Variants in BRCA1 observed in about 807,000 individuals in gnomAD.
The protein encoded by BRCA1 is breast cancer type 1 susceptibility protein.
In BRCA1, 140 loss-of-function variants were observed where a neutral mutation model predicts 173.7. The observed-to-expected ratio is 0.81, with a 90% CI of 0.70 to 0.93. The LOEUF (loss-of-function observed/expected upper bound fraction) is 0.93. Among genes scored for constraint, BRCA1 ranks in the 40% least tolerant of loss-of-function variants. The pLI is 0.00. For synonymous variants in BRCA1, 662 were observed against 756.0 expected (o/e 0.88, Z 2.04); for missense variants, 1,983 against 2,172.5 (o/e 0.91, Z 1.73).
chr17:43,137,315 A>G (rs1331496835), intron 1 of BRCA1, among the ~76,000 whole-genome samples: 1 of 151,232 alleles, frequency 6.6e-6, no homozygotes, highest in East Asian at 1.9e-4. Context: ...ATTAGGAGAT[A>G]TCCTTAATGT....
intron 15 of BRCA1, among the ~76,000 whole-genome samples, chr17:43,068,575 G>GA (rs983382279): frequency 1.3e-5 from 2 of 150,308 alleles, no homozygotes; most frequent in African/African-American, 4.9e-5. Context: ...AAAGTAAAAA[G>GA]AAAAAATATA....
chr17:43,084,941 T>TG (rs2154186989), intron 11 of BRCA1, among the ~76,000 whole-genome samples: 1 of 152,316 alleles, frequency 6.6e-6, no homozygotes, highest in African/African-American at 2.4e-5. Flanking sequence ...GAAAAAGTAG[T>TG]GGGGTAATTA....
chr17:43,058,427 G>A (rs2051608013), intron 18 of BRCA1, among the ~76,000 whole-genome samples: 1 of 151,910 alleles, frequency 6.6e-6, no homozygotes, highest in Non-Finnish European at 1.5e-5. Flanking sequence ...GAAAGAAAAA[G>A]AATTGCTGGG....
At position 43,125,287 on chromosome 17, in the gene BRCA1, G is replaced by A. The variant is rs2055827586; in HGVS notation, c.-36C>T. 1 of 456,298 alleles carries A rather than the reference G, an allele frequency of 2.2e-6. No homozygotes were observed. Among genetic ancestry groups the A allele is most frequent in the South Asian group, 1.5e-5 (1 of 64,570 alleles). 28.3% of individuals were successfully genotyped at this position (456,298 alleles called of 1,614,324 possible). On this transcript the variant is annotated 5_prime_UTR_variant, in exon 1 of 23. Coordinates refer to ENST00000357654, the MANE Select transcript of BRCA1 (RefSeq NM_007294.4). ...CTCTACTACCTTTACCCAGAGCAGA[G>A]GGTGAAGGCCTCCTGAGCGCAGGGG...
intron 21 of BRCA1, among the ~76,000 whole-genome samples, chr17:43,048,522 T>C (rs554050881): frequency 7.4e-4 from 109 of 147,890 alleles, no homozygotes; most frequent in Non-Finnish European, 1.3e-3. Context: ...CTCTCTCTTT[T>C]TTTTTTTTTT....
chr17:43,055,379 G>C (rs965224969), intron 19 of BRCA1, among the ~76,000 whole-genome samples: 1 of 152,234 alleles, frequency 6.6e-6, no homozygotes, highest in Admixed American at 6.5e-5. Flanking sequence ...CGGGTGCAGT[G>C]GCTCATGCTT....
At chr17:43,082,375 G>C (rs2053035731) in intron 12 of BRCA1, 29 bp downstream of exon 12, 1 of 1,609,262 alleles carries the variant, frequency 6.2e-7, no homozygotes, top group African/African-American at 1.3e-5. Context: ...TTTTGCTTAA[G>C]ATATCAGTGT....
At chr17:43,063,456 A>C in intron 17 of BRCA1, 83 bp from the exon 18 acceptor site, 1 of 1,135,504 alleles carries the variant, frequency 8.8e-7, no homozygotes, top group Non-Finnish European at 1.3e-6. Context: ...AGCGATTCAC[A>C]AAAGAGCACA....
In BRCA1 at chr17:43,095,801, C is replaced by T. The variant is rs273902780; in HGVS notation, c.670+45G>A. 6.8e-7 allele frequency: 1 copy of T among 1,463,098 alleles called. No homozygotes were observed. The highest frequency in any genetic ancestry group is 1.4e-5 in the African/African-American group (1 of 71,956). The allele number at this position is 1,463,098 out of a possible 1,614,324, so 90.6% of individuals were successfully genotyped here. A position where few individuals can be genotyped will look rare whatever the true frequency, so the allele number is the denominator to read the frequency against. ...ATCTAATTACAGTACTGTATCTACC[C>T]ACTCTCTTTTCAGTGCCTGTTAAGT... On this transcript the variant is annotated intron_variant, in intron 9 of 22. Coordinates refer to ENST00000357654, the MANE Select transcript of BRCA1 (RefSeq NM_007294.4).
chr17:43,062,422 C>T (rs913113460), intron 18 of BRCA1, among the ~76,000 whole-genome samples: 3 of 152,004 alleles, frequency 2.0e-5, no homozygotes, highest in Non-Finnish European at 2.9e-5. Context: ...AGCTTTTCTT[C>T]AACAACAGTG....
At chr17:43,158,984 C>A (rs987238098) in intron 1 of BRCA1, among the ~76,000 whole-genome samples, 64 of 152,128 alleles carry the variant, frequency 4.2e-4, no homozygotes, top group African/African-American at 1.4e-3. Flanking sequence ...ACCTGTAATC[C>A]CAGCACTTTG....
rs2154373500 is a variant in BRCA1, at chr17:43,093,021, A to T, written c.2510T>A (p.Val837Asp). ...TATGCTTGTTTCCCGACTGTGGTTA[A>T]CTTCATGTCCCAATGGATACTTAAA... ...EGFKYPLGHE[V>D]NHSRETSIEM... The change falls in exon 10 of 23, where the codon GTT (valine) becomes GAT (aspartate). Residue 837 changes from valine (V) to aspartate (D), a missense_variant. Physicochemically the swap from Val to Asp is radical, Grantham distance 152. Transcript: ENST00000357654. The T allele has an allele frequency of 2.5e-6, 4 of 1,613,944 alleles. No homozygotes were observed. Among genetic ancestry groups the T allele is most frequent in the South Asian group, 1.1e-5 (1 of 91,078 alleles).
At chr17:43,132,481 A>G (rs2055975848) in intron 1 of BRCA1, 1 of 152,238 alleles carries the variant, frequency 6.6e-6, no homozygotes, top group South Asian at 2.1e-4. Flanking sequence ...AACTAGCATC[A>G]GAAAGAACTA....
chr17:43,108,036 T>C (rs2054870380), intron 3 of BRCA1, among the ~76,000 whole-genome samples: 1 of 151,712 alleles, frequency 6.6e-6, no homozygotes, highest in Non-Finnish European at 1.5e-5. Context: ...AAAGAAAAGA[T>C]TAAGGGGCTA....
At chr17:43,110,519 AAGGCAAC>A in intron 3 of BRCA1, 1 of 438,866 alleles carries the variant, frequency 2.3e-6, no homozygotes. Flanking sequence ...CTAGGAGGTC[AAGGCAAC>A]AGTAAGCCTC....
At chr17:43,071,483 T>C (rs2052442176) in intron 14 of BRCA1, among the ~76,000 whole-genome samples, 1 of 135,212 alleles carries the variant, frequency 7.4e-6, no homozygotes, top group African/African-American at 2.6e-5. Context: ...AAATATATCC[T>C]AGGGAGATAA....
In BRCA1 at chr17:43,092,225, A is replaced by G. The variant is rs876658664; in HGVS notation, c.3306T>C (p.Asn1102=). The G allele has an allele frequency of 3.1e-6, 5 of 1,613,396 alleles. No homozygotes were observed. In the African/African-American group the frequency reaches 4.0e-5, roughly 13 times the overall value. Residue 1102 remains asparagine, a synonymous_variant, in exon 10 of 23, where the codon AAT becomes AAC. Coordinates refer to ENST00000357654, the MANE Select transcript of BRCA1 (RefSeq NM_007294.4). ...GCTTTTTTATTTCAGGATGCTTACAATTACTTCCAGGAAGACTTTGTTTAT... is the reference window on the plus strand; with the variant it reads ...GCTTTTTTATTTCAGGATGCTTACAGTTACTTCCAGGAAGACTTTGTTTAT... ...EVYKQSLPGS[N]CKHPEIKKQE...
At position 43,093,964 on chromosome 17, in the gene BRCA1, A is replaced by C. The variant is rs754398271; in HGVS notation, c.1567T>G (p.Leu523Val). The C allele has an allele frequency of 6.2e-7, 1 of 1,613,730 alleles. No homozygotes were observed. The highest frequency in any genetic ancestry group is 8.5e-7 in the Non-Finnish European group (1 of 1,179,924). Residue 523 changes from leucine (L) to valine (V), a missense_variant, in exon 10 of 23, where the codon TTG (leucine) becomes GTG (valine). Coordinates refer to ENST00000357654, the MANE Select transcript of BRCA1 (RefSeq NM_007294.4). ...HPEDFIKKAD[L>V]AVQKTPEMIN... is the part of the protein sequence containing the mutation. ...ATTTCAGGAGTCTTTTGAACTGCCAAATCTGCTTTCTTGATAAAATCCTCA... is the reference window on the plus strand; with the variant it reads ...ATTTCAGGAGTCTTTTGAACTGCCACATCTGCTTTCTTGATAAAATCCTCA...
rs876660267 is a variant in BRCA1, at chr17:43,093,295, C to T, written c.2236G>A (p.Asp746Asn). ...ETVKVSNNAEDPKDLMLSGER... is the reference protein window; with the variant it reads ...ETVKVSNNAENPKDLMLSGER... ...CCACTTAACATGAGATCTTTGGGGT[C>T]TTCAGCATTATTAGACACTTTAACT... Residue 746 changes from aspartate to asparagine, a missense_variant, in exon 10 of 23, where the codon GAC becomes AAC. Transcript: ENST00000357654. 1 of 1,613,900 alleles carries T rather than the reference C, an allele frequency of 6.2e-7. No individual in the cohort carries two copies. The highest frequency in any genetic ancestry group is 1.3e-5 in the African/African-American group (1 of 74,926).
Sources: gnomAD v4.1 joint callset for allele counts (sites outside exome capture counted in the v4.1 genomes callset) on GRCh38, gnomAD v4.1.1 for gene constraint, MANE v1.5 for transcripts, NCBI Gene and HGNC (gene_info 2026-07-23, HGNC 2026-07-21) for gene names.